The following KCNMB2 variants were observed in gnomAD, a reference collection of about 807,000 sequenced individuals.
KCNMB2 encodes potassium calcium-activated channel subfamily M regulatory beta subunit 2.
Under a neutral mutation model 24.5 loss-of-function variants are expected in KCNMB2, and 9 were observed. The ratio of observed to expected loss-of-function variants is 0.37; its 90% CI spans 0.22 to 0.64. The LOEUF (loss-of-function observed/expected upper bound fraction) is 0.64, where lower values mean the gene tolerates loss of function less well. KCNMB2 is among the 30% of genes least tolerant of loss of function. The pLI, the probability that KCNMB2 is intolerant of heterozygous loss-of-function variation, is 0.63. For missense variants in KCNMB2, 226 were observed against 284.3 expected, an observed-to-expected ratio of 0.79 and a Z score of 1.47; for synonymous variants, 109 against 104.4, an observed-to-expected ratio of 1.04 and a Z score of -0.27.
At chr3:178,778,579 A>G (rs1339664457) in intron 1 of KCNMB2, among the ~76,000 whole-genome samples, 52 of 151,924 alleles carry the variant, frequency 3.4e-4, no homozygotes, top group Non-Finnish European at 4.4e-5. Context: ...CCAGTGTACC[A>G]TTCTCTATGG....
At chr3:178,698,588 C>T (rs913172905) in intron 1 of KCNMB2, among the ~76,000 whole-genome samples, 2 of 152,166 alleles carry the variant, frequency 1.3e-5, no homozygotes, top group African/African-American at 4.8e-5. Context: ...AATTTCTTTC[C>T]TATCTATATA....
At chr3:178,598,652 G>A (rs1336039488) in intron 1 of KCNMB2, among the ~76,000 whole-genome samples, 1 of 151,814 alleles carries the variant, frequency 6.6e-6, no homozygotes, top group Non-Finnish European at 1.5e-5. Context: ...GGACTCTCAG[G>A]GGTTATAACA....
At chr3:178,644,543 C>T (rs1719845189) in intron 1 of KCNMB2, among the ~76,000 whole-genome samples, 2 of 152,264 alleles carry the variant, frequency 1.3e-5, no homozygotes, top group Non-Finnish European at 2.9e-5. Context: ...TGCAGCAGTG[C>T]TGCATCTGTG....
At chr3:178,774,199 G>A (rs113851033) in intron 1 of KCNMB2, among the ~76,000 whole-genome samples, 12 of 152,214 alleles carry the variant, frequency 7.9e-5, no homozygotes, top group African/African-American at 1.7e-4. Flanking sequence ...ATACTATCAC[G>A]CTGGTAAGTA....
chr3:178,751,702 T>C (rs1435387893), intron 1 of KCNMB2, among the ~76,000 whole-genome samples: 9 of 151,684 alleles, frequency 5.9e-5, no homozygotes, highest in Non-Finnish European at 1.0e-4. Context: ...AATGTTTATT[T>C]GGAGAGTGTG....
At chr3:178,681,179 T>C (rs1721259029) in intron 1 of KCNMB2, among the ~76,000 whole-genome samples, 1 of 152,218 alleles carries the variant, frequency 6.6e-6, no homozygotes, top group Non-Finnish European at 1.5e-5. Flanking sequence ...AGAACCTGTG[T>C]CAGAGAGCAT....
intron 1 of KCNMB2, among the ~76,000 whole-genome samples, chr3:178,554,368 C>T (rs1051166396): frequency 4.6e-5 from 7 of 152,110 alleles, no homozygotes; most frequent in South Asian, 2.1e-4. Context: ...AGTCAAATCT[C>T]GAAACTACAA....
At chr3:178,816,832 G>A (rs1714420783) in intron 2 of KCNMB2, among the ~76,000 whole-genome samples, 1 of 152,018 alleles carries the variant, frequency 6.6e-6, no homozygotes, top group Non-Finnish European at 1.5e-5. Flanking sequence ...GCCAAATAAT[G>A]TGGTCAATAA....
At chr3:178,568,758 TGATAGATAGATAGATGATAGATAGATA>T (rs1716623242) in intron 1 of KCNMB2, among the ~76,000 whole-genome samples, 25 of 147,450 alleles carry the variant, frequency 1.7e-4, no homozygotes, top group African/African-American at 6.1e-4. Flanking sequence ...GATAGATAGA[TGATAGATAGATAGATGATAGATAGATA>T]GATAGATAGA....
intron 1 of KCNMB2, among the ~76,000 whole-genome samples, chr3:178,637,780 T>C (rs527360814): frequency 3.9e-5 from 6 of 152,204 alleles, no homozygotes; most frequent in Non-Finnish European, 5.9e-5. Context: ...CATATGGTAG[T>C]TATTTTCTGT....
At chr3:178,628,274 A>G (rs1456985180) in intron 1 of KCNMB2, among the ~76,000 whole-genome samples, 1 of 152,190 alleles carries the variant, frequency 6.6e-6, no homozygotes, top group East Asian at 1.9e-4. Flanking sequence ...AGACAAGAGC[A>G]CTTGGTTTTC....
Position 178,654,787 on chromosome 3 carries a change from G to A in KCNMB2, c.-68+118076G>A, listed in dbSNP as rs556889184. ...GACTAGCAAAACGTAAGGTGGAGCT[G>A]TATTGTTCTTATTGAAAAATGGTAT... On this transcript the variant is annotated intron_variant, in intron 1 of 4. Transcript: ENST00000452583. Among the ~76,000 whole-genome samples, 80 of 152,260 alleles carry A rather than the reference G, an allele frequency of 5.3e-4. 1 individual carries two copies. The highest frequency in any genetic ancestry group is 1.8e-3 in the African/African-American group (76 of 41,556).
At chr3:178,729,844 C>T (rs1228683913) in intron 1 of KCNMB2, among the ~76,000 whole-genome samples, 2 of 152,060 alleles carry the variant, frequency 1.3e-5, no homozygotes, top group African/African-American at 4.8e-5. Context: ...TCATCATGGG[C>T]TAGATTATGC....
At chr3:178,727,733 T>C (rs1344079736) in intron 1 of KCNMB2, among the ~76,000 whole-genome samples, 1 of 152,182 alleles carries the variant, frequency 6.6e-6, no homozygotes, top group African/African-American at 2.4e-5. Flanking sequence ...TAGGAAGGAA[T>C]GCATCACTGC....
At chr3:178,783,742 G>T (rs1712974459) in intron 1 of KCNMB2, among the ~76,000 whole-genome samples, 1 of 152,030 alleles carries the variant, frequency 6.6e-6, no homozygotes, top group East Asian at 1.9e-4. Context: ...CTGCAAACAG[G>T]GATAATTTGA....
chr3:178,659,842 CTAT>C (rs760328137), intron 1 of KCNMB2, among the ~76,000 whole-genome samples: 6 of 151,906 alleles, frequency 3.9e-5, no homozygotes, highest in Non-Finnish European at 8.8e-5. Context: ...ATTATCATTA[CTAT>C]TATTATTATT....
intron 1 of KCNMB2, among the ~76,000 whole-genome samples, chr3:178,615,201 A>G (rs1718661297): frequency 6.6e-6 from 1 of 152,210 alleles, no homozygotes. Context: ...CAGCACTACA[A>G]TGACTGCACT....
intron 1 of KCNMB2, among the ~76,000 whole-genome samples, chr3:178,651,022 C>T: frequency 6.6e-6 from 1 of 152,176 alleles, no homozygotes; most frequent in Admixed American, 6.5e-5. Context: ...CCCTCTCTCA[C>T]CACTCCTATT....
At chr3:178,797,008 ACAAGAGAAGACT>A (rs962788186) in intron 1 of KCNMB2, among the ~76,000 whole-genome samples, 3 of 152,078 alleles carry the variant, frequency 2.0e-5, no homozygotes, top group African/African-American at 7.2e-5. Flanking sequence ...GACTAAGAAA[ACAAGAGAAGACT>A]CAAATAAATA....
Sources: allele counts gnomAD v4.1 joint callset (sites outside exome capture counted in the v4.1 genomes callset), GRCh38; gene constraint gnomAD v4.1.1; transcripts MANE v1.5; gene names NCBI Gene and HGNC (gene_info 2026-07-23, HGNC 2026-07-21).